PACS2: variants seen among roughly 807,000 people sequenced by gnomAD.
PACS2 encodes phosphofurin acidic cluster sorting protein 2.
In PACS2, 36 loss-of-function variants were observed where a neutral mutation model predicts 113.0. The ratio of observed to expected loss-of-function variants is 0.32; its 90% CI spans 0.24 to 0.42. PACS2 has a LOEUF of 0.42. Among genes scored for constraint, PACS2 ranks in the 10% least tolerant of loss-of-function variants. The pLI is 1.00. For synonymous variants in PACS2, 589 were observed against 536.1 expected (o/e 1.10, Z -1.36); for missense variants, 1,015 against 1,239.5 (o/e 0.82, Z 2.72).
intron 1 of PACS2, among the ~76,000 whole-genome samples, chr14:105,342,932 TAAAA>T (rs1180529928): frequency 2.4e-5 from 3 of 126,690 alleles, no homozygotes; most frequent in African/African-American, 2.9e-5. Context: ...GACTCTGTCT[TAAAA>T]AAAAAAAAAA....
chr14:105,351,135 C>A (rs587735048), intron 2 of PACS2, among the ~76,000 whole-genome samples: 1 of 152,222 alleles, frequency 6.6e-6, no homozygotes, highest in African/African-American at 2.4e-5. Flanking sequence ...CTGTGTCCCG[C>A]GCGCCGGCCT....
rs1192308655 is a variant in PACS2 at position 105,314,843 on chromosome 14, G to C, written c.-76G>C. 3.4e-6 allele frequency: 2 copies of C among 590,744 alleles called. No homozygotes were observed. The highest frequency in any genetic ancestry group is 2.1e-6 in the Non-Finnish European group (1 of 474,424). 36.6% of individuals were successfully genotyped at this position (590,744 alleles called of 1,614,324 possible). ...ATGTGACCGCGCCGCCGCCCTCCGCGCGCCCGGCCCGCCCGCCGCGCGTCC... is the reference window on the plus strand; with the variant it reads ...ATGTGACCGCGCCGCCGCCCTCCGCCCGCCCGGCCCGCCCGCCGCGCGTCC... On this transcript the variant is annotated 5_prime_UTR_variant, in exon 1 of 25. Coordinates refer to ENST00000447393, the MANE Select transcript of PACS2 (RefSeq NM_001100913.3).
chr14:105,385,140 C>T (rs1388208530), intron 18 of PACS2, among the ~76,000 whole-genome samples, 153 bp downstream of exon 18: 1 of 152,228 alleles, frequency 6.6e-6, no homozygotes, highest in African/African-American at 2.4e-5. Context: ...CAGCTCTGGG[C>T]CTCCCTGACA....
At chr14:105,314,482 CG>C (rs1301061913), upstream of PACS2, 4 of 148,308 alleles carry the variant, frequency 2.7e-5, no homozygotes, top group Non-Finnish European at 4.5e-5. Flanking sequence ...GCGCCCCGGG[CG>C]GGGTCTGTGC....
At chr14:105,352,721 CAT>C (rs2060239489) in intron 3 of PACS2, among the ~76,000 whole-genome samples, 1 of 138,326 alleles carries the variant, frequency 7.2e-6, no homozygotes, top group Non-Finnish European at 1.6e-5. Flanking sequence ...CGGGCCCCCC[CAT>C]CACTATCCCC....
rs763063074 is a variant in PACS2, at chr14:105,324,457, G to A, written c.119+9420G>A. The stretch of plus-strand genomic sequence containing the variant: ...CTCTGTAGGACAGGCTCCCGCTGAG[G>A]GCAGCCCTGAGGCCTGTGAGCTGCT... On this transcript the variant is annotated intron_variant, in intron 1 of 24. Coordinates refer to ENST00000447393, the MANE Select transcript of PACS2 (RefSeq NM_001100913.3). This position sits in a 1 kb window ranked among gnomAD's most constrained non-coding sequence, Gnocchi z 4.7. Among the ~76,000 whole-genome samples the A allele has an allele frequency of 6.6e-5, 10 of 152,208 alleles. No individual in the cohort carries two copies. Among genetic ancestry groups the A allele is most frequent in the Non-Finnish European group, 1.2e-4 (8 of 68,018 alleles).
rs2060512990 is a variant in PACS2, at chr14:105,357,811, T to A, written c.423+2634T>A. Among the ~76,000 whole-genome samples the A allele has an allele frequency of 6.6e-6, 1 of 151,704 alleles. No homozygotes were observed. The highest frequency in any genetic ancestry group is 1.5e-5 in the Non-Finnish European group (1 of 67,922). On this transcript the variant is annotated intron_variant, in intron 4 of 24. Transcript: ENST00000447393. The surrounding 1 kb of genome is among the most constrained non-coding windows in gnomAD (Gnocchi z 5.1). ...GGGGGTGAGGGCATGGGTGCTGCCATAGGGACTGTCGTGAGAGTGGGGTGT... is the reference window on the plus strand; with the variant it reads ...GGGGGTGAGGGCATGGGTGCTGCCAAAGGGACTGTCGTGAGAGTGGGGTGT...
rs1555416085 is a variant in PACS2, at chr14:105,394,704, C to T, written c.*32C>T. ...CCACCAGGGGGCCCACCTCCTGCCC[C>T]ATGCTGTGAGGGGCCCAGCTGCATT... On this transcript the variant is annotated 3_prime_UTR_variant, in exon 25 of 25. Transcript: ENST00000447393. 1 of 1,397,888 alleles carries T rather than the reference C, an allele frequency of 7.2e-7. No homozygotes were observed. The highest frequency in any genetic ancestry group is 1.0e-6 in the Non-Finnish European group (1 of 983,100). The allele number at this position is 1,397,888 out of a possible 1,614,324, so 86.6% of individuals were successfully genotyped here. A position where few individuals can be genotyped will look rare whatever the true frequency, so the allele number is the denominator to read the frequency against.
At chr14:105,353,130 T>C (rs1428353449) in intron 3 of PACS2, among the ~76,000 whole-genome samples, 14 of 38,002 alleles carry the variant, frequency 3.7e-4, no homozygotes, top group East Asian at 8.4e-4. Flanking sequence ...GGGCACCCCC[T>C]CATCACTGTC....
intron 24 of PACS2, among the ~76,000 whole-genome samples, chr14:105,393,735 G>A (rs1217193494): frequency 9.9e-5 from 15 of 151,804 alleles, no homozygotes; most frequent in South Asian, 8.3e-4. Flanking sequence ...GATTACAGGC[G>A]CGTGCCACCA....
intron 1 of PACS2, among the ~76,000 whole-genome samples, chr14:105,303,921 C>A (rs2058102390): frequency 6.6e-6 from 1 of 152,200 alleles, no homozygotes. Flanking sequence ...GGTGACAGCC[C>A]CAAATCTCAT....
intron 7 of PACS2, 53 bp downstream of exon 7, chr14:105,368,592 C>T (rs587633704): frequency 2.1e-5 from 29 of 1,403,886 alleles, no homozygotes; most frequent in South Asian, 6.9e-5. Flanking sequence ...TCGGGGAGGA[C>T]GCTGGGAGCC....
intron 4 of PACS2, among the ~76,000 whole-genome samples, chr14:105,363,332 T>C (rs115170701): frequency 0.035 from 5,402 of 152,300 alleles, 350 homozygotes; most frequent in African/African-American, 0.12. Flanking sequence ...CTGTGTCTTC[T>C]ACGTTGAAAA....
At chr14:105,381,841 G>T (rs989283106) in intron 12 of PACS2, 73 bp from the exon 13 acceptor site, 3 of 1,403,982 alleles carry the variant, frequency 2.1e-6, no homozygotes, top group Non-Finnish European at 2.9e-6. Flanking sequence ...GGCCACTGCA[G>T]GCCTGCCCCT....
At chr14:105,310,727 T>G (rs2058331815), upstream of PACS2, among the ~76,000 whole-genome samples, 1 of 151,234 alleles carries the variant, frequency 6.6e-6, no homozygotes, top group Non-Finnish European at 1.5e-5. Flanking sequence ...TGTGGTTTGA[T>G]TTTCCCTACA....
Position 105,315,023 on chromosome 14 carries a change from C to A in PACS2, c.105C>A (p.Pro35=). 1 of 1,223,416 alleles carries A rather than the reference C, an allele frequency of 8.2e-7. No individual in the cohort carries two copies. The highest frequency in any genetic ancestry group is 3.1e-5 in the Admixed American group (1 of 31,756). The allele number at this position is 1,223,416 out of a possible 1,614,324, so 75.8% of individuals were successfully genotyped here. A position where few individuals can be genotyped will look rare whatever the true frequency, so the allele number is the denominator to read the frequency against. Residue 35 remains proline (P), a synonymous_variant, in exon 1 of 25, where the codon CCC becomes CCA. Coordinates refer to ENST00000447393, the MANE Select transcript of PACS2 (RefSeq NM_001100913.3). The surrounding 1 kb of genome is among the most constrained non-coding windows in gnomAD (Gnocchi z 4.4). Reference sequence around the variant, plus strand: ...CCTGGGAGGTGGACGGCTCCAGCCCCAGCTGCGTGCCCAGGTACGCGCCGC... The same window carrying A: ...CCTGGGAGGTGGACGGCTCCAGCCCAAGCTGCGTGCCCAGGTACGCGCCGC... ...FATWEVDGSS[P]SCVPRLCSLT...
intron 4 of PACS2, among the ~76,000 whole-genome samples, chr14:105,360,650 CAG>C (rs201106474): frequency 0.014 from 2,112 of 152,054 alleles, 52 homozygotes; most frequent in African/African-American, 0.048. Flanking sequence ...GCTGACCGGT[CAG>C]AGTGTTGGTT....
At chr14:105,380,012 C>A (rs2080923939) in intron 10 of PACS2, 68 bp from the exon 11 acceptor site, 1 of 1,454,980 alleles carries the variant, frequency 6.9e-7, no homozygotes, top group East Asian at 2.5e-5. Flanking sequence ...CCAGCATTCC[C>A]AGTCCAGAAG....
In PACS2 at chr14:105,382,697, C is replaced by G. The variant is rs1486215997; in HGVS notation, c.1519-110C>G. 3.2e-6 allele frequency: 3 copies of G among 932,616 alleles called. No individual in the cohort carries two copies. In the East Asian group the frequency reaches 7.5e-5, roughly 23 times the overall value. 57.8% of individuals were successfully genotyped at this position (932,616 alleles called of 1,614,324 possible). ...TGCTGGAGCTGCTGGCTGTGGTTTG[C>G]CTGGACGTGCCTGGGGTCTCTGGAG... On this transcript the variant is annotated intron_variant, in intron 14 of 24. Transcript: ENST00000447393.
Sources: gnomAD v4.1 joint callset for allele counts (sites outside exome capture counted in the v4.1 genomes callset) on GRCh38, gnomAD v4.1.1 for gene constraint, Gnocchi (gnomAD v3.1) non-coding constraint, MANE v1.5 for transcripts, NCBI Gene and HGNC (gene_info 2026-07-23, HGNC 2026-07-21) for gene names.